The following PIK3C2B variants were observed in gnomAD, a reference collection of about 807,000 sequenced individuals.
The protein encoded by PIK3C2B is phosphatidylinositol-4-phosphate 3-kinase catalytic subunit type 2 beta, also known as phosphatidylinositol 4-phosphate 3-kinase C2 domain-containing subunit beta.
PIK3C2B carries 83 observed loss-of-function variants against 184.3 expected under a neutral mutation model. That is an observed-to-expected ratio of 0.45 (90% confidence interval 0.38 to 0.54). PIK3C2B has a LOEUF of 0.54. Among genes scored for constraint, PIK3C2B ranks in the 20% least tolerant of loss-of-function variants. The probability of loss-of-function intolerance (pLI) is 0.00; values close to 1 mark genes in which losing one functional copy is unlikely to be tolerated. For synonymous variants in PIK3C2B, 779 were observed against 837.6 expected (o/e 0.93, Z 1.21); for missense variants, 1,736 against 2,113.5 (o/e 0.82, Z 3.50).
At chr1:204,477,432 G>T (rs1656795678) in intron 1 of PIK3C2B, among the ~76,000 whole-genome samples, 1 of 152,200 alleles carries the variant, frequency 6.6e-6, no homozygotes, top group South Asian at 2.1e-4. Context: ...TGGCCAAGCA[G>T]GTCGGTGCCA....
chr1:204,428,642 C>T (rs375689206), intron 29 of PIK3C2B, among the ~76,000 whole-genome samples: 17 of 152,158 alleles, frequency 1.1e-4, no homozygotes, highest in African/African-American at 3.1e-4. Flanking sequence ...TACAGGCCTG[C>T]GCCACCACGC....
rs1327123392 is a variant in PIK3C2B, at chr1:204,424,699, C to T, written c.*153G>A. On this transcript the variant is annotated 3_prime_UTR_variant, in exon 33 of 33. Transcript: ENST00000684373. The stretch of plus-strand genomic sequence containing the variant: ...AGACAGCAGAGCATGTCTTACTCTC[C>T]CTGCCTCCTACCACAGAGGCCAGAA... 1.2e-6 allele frequency: 1 copy of T among 802,960 alleles called. No homozygotes were observed. The highest frequency in any genetic ancestry group is 2.2e-6 in the Non-Finnish European group (1 of 451,922). The allele number at this position is 802,960 out of a possible 1,614,324, so 49.7% of individuals were successfully genotyped here. A position where few individuals can be genotyped will look rare whatever the true frequency, so the allele number is the denominator to read the frequency against.
chr1:204,467,380 GGA>G (rs1655895506), intron 2 of PIK3C2B: 1 of 160,306 alleles, frequency 6.2e-6, no homozygotes, highest in Non-Finnish European at 1.4e-5. Context: ...GCTTTTGGGG[GGA>G]CTCTCTTAGG....
At chr1:204,430,643 A>C (rs1199403964) in intron 28 of PIK3C2B, among the ~76,000 whole-genome samples, 1 of 145,986 alleles carries the variant, frequency 6.8e-6, no homozygotes, top group Non-Finnish European at 1.5e-5. Context: ...GCACCCGGCC[A>C]AAAAATTCAT....
chr1:204,454,852 T>C (rs756025922), intron 11 of PIK3C2B, 61 bp from the exon 12 acceptor site: 62 of 1,559,282 alleles, frequency 4.0e-5, no homozygotes, highest in South Asian at 9.3e-5. Flanking sequence ...CCCAAACCTA[T>C]GCGTCCCTCT....
chr1:204,432,665 G>A (rs190208919), intron 26 of PIK3C2B, among the ~76,000 whole-genome samples: 1 of 152,270 alleles, frequency 6.6e-6, no homozygotes, highest in African/African-American at 2.4e-5. Flanking sequence ...AAAGGAACTA[G>A]GAACTCACTC....
In PIK3C2B at chr1:204,494,420, C is replaced by T. The variant is rs1658230537; in HGVS notation, c.-149G>A. On this transcript the variant is annotated 5_prime_UTR_variant, in exon 1 of 33. Coordinates refer to ENST00000684373, the MANE Select transcript of PIK3C2B (RefSeq NM_001377334.1). Reference sequence around the variant, plus strand: ...CTTGTGCCTGGCGACGTGGGCTGCTCGCTCCGCGCCTCCCGGGCTCGCTCT... The same window carrying T: ...CTTGTGCCTGGCGACGTGGGCTGCTTGCTCCGCGCCTCCCGGGCTCGCTCT... The T allele has an allele frequency of 6.6e-6, 1 of 152,306 alleles. No individual in the cohort carries two copies. The highest frequency in any genetic ancestry group is 6.5e-5 in the Admixed American group (1 of 15,290). 9.4% of individuals were successfully genotyped at this position (152,306 alleles called of 1,614,324 possible).
intron 19 of PIK3C2B, among the ~76,000 whole-genome samples, 188 bp downstream of exon 19, chr1:204,443,229 A>C (rs1653526650): frequency 1.3e-5 from 2 of 152,264 alleles, no homozygotes; most frequent in Non-Finnish European, 2.9e-5. Context: ...CAGGACAAAC[A>C]AAACACATCC....
intron 2 of PIK3C2B, among the ~76,000 whole-genome samples, chr1:204,467,511 C>T (rs998562997): frequency 6.6e-5 from 10 of 152,106 alleles, no homozygotes; most frequent in South Asian, 2.1e-4. Context: ...GAAACCAGGA[C>T]AGAATGAAGT....
chr1:204,486,704 T>C (rs574891108), intron 1 of PIK3C2B, among the ~76,000 whole-genome samples: 1 of 152,344 alleles, frequency 6.6e-6, no homozygotes, highest in African/African-American at 2.4e-5. Context: ...CACTCCAGCC[T>C]GGACGACTGA....
At chr1:204,436,391 A>T (rs554696362) in intron 23 of PIK3C2B, among the ~76,000 whole-genome samples, 14 of 152,226 alleles carry the variant, frequency 9.2e-5, no homozygotes, top group Middle Eastern at 3.4e-3. Flanking sequence ...TTAGCTGGGC[A>T]TGGTGGCACA....
intron 26 of PIK3C2B, among the ~76,000 whole-genome samples, chr1:204,432,805 T>C (rs759356174): frequency 1.3e-5 from 2 of 152,166 alleles, no homozygotes; most frequent in South Asian, 2.1e-4. Context: ...ACAGAGAAAG[T>C]TTAATTCTCT....
At chr1:204,434,728 T>C (rs16853666) in intron 23 of PIK3C2B, 120 bp from the exon 24 acceptor site, 188,628 of 681,334 alleles carry the variant, frequency 0.28, 29,848 homozygotes, top group East Asian at 0.52. Context: ...TGAACCCCAA[T>C]AGTGTCTCAC....
chr1:204,487,597 T>C lies in PIK3C2B; in HGVS notation c.-85+6759A>G, dbSNP rs372381015. ...AGGCTGTTTGAAGGCAAAATTGTAA[T>C]GTATTTTTCCAAGTAGACACCCCAC... On this transcript the variant is annotated intron_variant, in intron 1 of 32. Transcript: ENST00000684373. Among the ~76,000 whole-genome samples, 9 of 152,314 alleles carry C rather than the reference T, an allele frequency of 5.9e-5. No individual in the cohort carries two copies. In the South Asian group the frequency reaches 8.3e-4, roughly 14 times the overall value.
intron 29 of PIK3C2B, among the ~76,000 whole-genome samples, chr1:204,429,293 T>G (rs1347348561): frequency 2.6e-5 from 4 of 152,170 alleles, no homozygotes; most frequent in African/African-American, 9.7e-5. Flanking sequence ...ACACATACTC[T>G]AAATATCTTT....
intron 23 of PIK3C2B, among the ~76,000 whole-genome samples, chr1:204,438,033 C>T (rs750447020): frequency 1.3e-5 from 2 of 152,174 alleles, no homozygotes; most frequent in Non-Finnish European, 2.9e-5. Flanking sequence ...CCCCGGGGAA[C>T]ACAAACACTG....
At chr1:204,466,896 C>A (rs774780290) in intron 2 of PIK3C2B, 24 of 533,164 alleles carry the variant, frequency 4.5e-5, no homozygotes, top group Non-Finnish European at 9.2e-5. Flanking sequence ...GCTGGCTCCG[C>A]TGGCCTGGGA....
intron 23 of PIK3C2B, among the ~76,000 whole-genome samples, chr1:204,437,165 T>G (rs2103475765): frequency 6.6e-6 from 1 of 151,836 alleles, no homozygotes; most frequent in Admixed American, 6.6e-5. Context: ...TCTGTTAGGA[T>G]ACACAGAGGC....
At chr1:204,448,791 G>C (rs565083405) in intron 14 of PIK3C2B, among the ~76,000 whole-genome samples, 1 of 152,250 alleles carries the variant, frequency 6.6e-6, no homozygotes, top group South Asian at 2.1e-4. Flanking sequence ...CTGGAGAATA[G>C]GTCCATCCTG....
Sources: gnomAD v4.1 joint callset for allele counts (sites outside exome capture counted in the v4.1 genomes callset) on GRCh38, gnomAD v4.1.1 for gene constraint, MANE v1.5 for transcripts, NCBI Gene and HGNC (gene_info 2026-07-23, HGNC 2026-07-21) for gene names.